Variants in TEX264 observed in about 807,000 individuals in gnomAD.
TEX264 encodes the protein testis expressed 264, ER-phagy receptor, also known as testis-expressed protein 264.
A neutral mutation model predicts 23.4 loss-of-function variants in TEX264; 13 were observed. The ratio of observed to expected loss-of-function variants is 0.56; its 90% CI spans 0.36 to 0.88. The LOEUF is 0.88. Among genes scored for constraint, TEX264 ranks in the 40% least tolerant of loss-of-function variants. The pLI, the probability that TEX264 is intolerant of heterozygous loss-of-function variation, is 0.01. For synonymous variants in TEX264, 159 were observed against 170.0 expected (o/e 0.94, Z 0.50); for missense variants, 340 against 406.8 (o/e 0.84, Z 1.41).
At chr3:51,674,622 G>C (rs1440383790) in intron 2 of TEX264, 60 bp downstream of exon 2, 2 of 1,583,494 alleles carry the variant, frequency 1.3e-6, no homozygotes, top group African/African-American at 2.7e-5. Flanking sequence ...GGGCTTCTTT[G>C]GGGAGGGTAG....
intron 2 of TEX264, among the ~76,000 whole-genome samples, chr3:51,675,250 A>G (rs1322801872): frequency 1.3e-5 from 2 of 152,218 alleles, no homozygotes; most frequent in Admixed American, 1.3e-4. Flanking sequence ...CTTACAACCT[A>G]TGGTGAGTCA....
chr3:51,694,884 G>A (rs1029637145), intron 3 of TEX264, among the ~76,000 whole-genome samples: 2 of 152,238 alleles, frequency 1.3e-5, no homozygotes, highest in Non-Finnish European at 2.9e-5. Context: ...TTCTGGGCCA[G>A]AAGCTTTGGG....
chr3:51,686,616 G>A lies in TEX264; in HGVS notation c.480+1982G>A, dbSNP rs909526959. ...GAGTTTCCTTTGTGAGCTGGAGGGT[G>A]GTGGCCAAAAGGGGTGTGGGGCAGG... On this transcript the variant is annotated intron_variant, in intron 3 of 4. Coordinates refer to ENST00000341333, the MANE Select transcript of TEX264 (RefSeq NM_015926.6). This position sits in a 1 kb window ranked among gnomAD's most constrained non-coding sequence, Gnocchi z 4.1. 1.3e-5 allele frequency among the ~76,000 whole-genome samples: 2 copies of A among 152,104 alleles called. No homozygotes were observed. Among genetic ancestry groups the A allele is most frequent in the Admixed American group, 1.3e-4 (2 of 15,272 alleles).
chr3:51,689,524 A>G (rs1466504360), intron 3 of TEX264, among the ~76,000 whole-genome samples: 1 of 151,442 alleles, frequency 6.6e-6, no homozygotes, highest in Non-Finnish European at 1.5e-5. Context: ...CATAGTTCTC[A>G]GACTGCCCTG....
At position 51,698,091 on chromosome 3, in the gene TEX264, C is replaced by T. The variant is rs561903459; in HGVS notation, c.481-1315C>T. ...ACAGGCCATCCACCTCCCGCGTGGC[C>T]TCCTAGATGCACCCTCCCTTCAGCT... On this transcript the variant is annotated intron_variant, in intron 3 of 4. Transcript: ENST00000341333. 4.6e-5 allele frequency among the ~76,000 whole-genome samples: 7 copies of T among 152,268 alleles called. No individual in the cohort carries two copies. In the East Asian group the frequency reaches 1.4e-3, roughly 29 times the overall value.
chr3:51,683,297 G>A (rs1702498930), intron 2 of TEX264: 1 of 152,200 alleles, frequency 6.6e-6, no homozygotes, highest in Non-Finnish European at 1.5e-5. Context: ...ACAGACTTAG[G>A]CACCTGGAAA....
chr3:51,682,987 CAG>C (rs1320102285), intron 2 of TEX264: 1 of 152,290 alleles, frequency 6.6e-6, no homozygotes, highest in Non-Finnish European at 1.5e-5. Context: ...CAGGGGATTT[CAG>C]AGAGGGCTTG....
intron 2 of TEX264, among the ~76,000 whole-genome samples, chr3:51,681,175 C>T (rs1286014662): frequency 6.6e-6 from 1 of 152,202 alleles, no homozygotes; most frequent in East Asian, 1.9e-4. Context: ...CACACACCTC[C>T]TGGATCCTGG....
chr3:51,696,472 C>T (rs974071764), intron 3 of TEX264, among the ~76,000 whole-genome samples: 2 of 152,208 alleles, frequency 1.3e-5, no homozygotes, highest in African/African-American at 4.8e-5. Flanking sequence ...TACTGTGCAG[C>T]AAGGACCTGA....
chr3:51,672,304 G>T (rs1577485500), intron 1 of TEX264: 1 of 152,248 alleles, frequency 6.6e-6, no homozygotes, highest in East Asian at 1.9e-4. Flanking sequence ...CATTTCAGGT[G>T]AGCTCCCAGA....
intron 2 of TEX264, among the ~76,000 whole-genome samples, chr3:51,676,154 C>A (rs1702218779): frequency 6.6e-6 from 1 of 152,194 alleles, no homozygotes; most frequent in South Asian, 2.1e-4. Context: ...GTGACCCTCA[C>A]CCCTTCAAGG....
rs904180792 is a variant in TEX264 at position 51,703,973 on chromosome 3, A to G, written c.899A>G (p.Lys300Arg). ...DPGTEPLGTT[K>R]WLWEPTAPEK... ...GGGACTGAGCCCCTGGGGACTACCA[A>G]GTGGCTCTGGGAGCCCACTGCCCCT... is the stretch of plus-strand genomic sequence containing the variant. The change falls in exon 5 of 5, where the codon AAG becomes AGG. Residue 300 changes from lysine to arginine, a missense_variant. Physicochemically the swap from Lys to Arg is conservative, Grantham distance 26. Coordinates refer to ENST00000341333, the MANE Select transcript of TEX264 (RefSeq NM_015926.6). This position sits in a 1 kb window ranked among gnomAD's most constrained non-coding sequence, Gnocchi z 4.8. 2.9e-5 allele frequency: 46 copies of G among 1,562,490 alleles called. No homozygotes were observed. Among genetic ancestry groups the G allele is most frequent in the African/African-American group, 4.1e-5 (3 of 73,468 alleles).
intron 3 of TEX264, among the ~76,000 whole-genome samples, chr3:51,689,862 G>C (rs1373496288): frequency 1.3e-5 from 2 of 152,226 alleles, no homozygotes; most frequent in African/African-American, 4.8e-5. Context: ...AGAGGCACTT[G>C]TCTTGAGGGG....
intron 3 of TEX264, among the ~76,000 whole-genome samples, chr3:51,697,936 T>C (rs926040684): frequency 1.3e-5 from 2 of 152,180 alleles, no homozygotes; most frequent in Non-Finnish European, 2.9e-5. Context: ...ATAATGACTT[T>C]CCTTCACCGA....
At chr3:51,690,834 AGATGGG>A (rs1462643317) in intron 3 of TEX264, among the ~76,000 whole-genome samples, 1 of 152,210 alleles carries the variant, frequency 6.6e-6, no homozygotes, top group East Asian at 1.9e-4. Flanking sequence ...ATTGTTTTAC[AGATGGG>A]GAGGCTGAGG....
At chr3:51,677,865 C>T (rs574154186) in intron 2 of TEX264, among the ~76,000 whole-genome samples, 1 of 152,278 alleles carries the variant, frequency 6.6e-6, no homozygotes, top group South Asian at 2.1e-4. Context: ...GGAAGGATTC[C>T]ATTCTCCATC....
intron 2 of TEX264, among the ~76,000 whole-genome samples, chr3:51,678,183 C>T (rs763981194): frequency 4.6e-5 from 7 of 152,154 alleles, no homozygotes; most frequent in Admixed American, 1.3e-4. Context: ...GCGGTGGGTG[C>T]TGGGGGCTTG....
At chr3:51,692,424 T>C (rs1265206048) in intron 3 of TEX264, among the ~76,000 whole-genome samples, 1 of 152,180 alleles carries the variant, frequency 6.6e-6, no homozygotes, top group African/African-American at 2.4e-5. Flanking sequence ...AGGAAAGGAC[T>C]TCACTGAGGA....
intron 3 of TEX264, among the ~76,000 whole-genome samples, chr3:51,696,979 T>C (rs1703082511): frequency 6.6e-6 from 1 of 152,134 alleles, no homozygotes. Context: ...CTGTGTGAGA[T>C]GCTGTGAGGA....
Sources: allele counts gnomAD v4.1 joint callset (sites outside exome capture counted in the v4.1 genomes callset), GRCh38; gene constraint gnomAD v4.1.1; non-coding constraint Gnocchi (gnomAD v3.1); transcripts MANE v1.5; gene names NCBI Gene and HGNC (gene_info 2026-07-23, HGNC 2026-07-21).